Variants in ZNF277 observed in about 807,000 individuals in gnomAD.
ZNF277 encodes zinc finger protein 277, also known as nuclear receptor-interacting factor 4.
Under a neutral mutation model 60.7 loss-of-function variants are expected in ZNF277, and 55 were observed. The ratio of observed to expected loss-of-function variants is 0.91; its 90% CI spans 0.73 to 1.13. The LOEUF (loss-of-function observed/expected upper bound fraction) is 1.13, where lower values mean the gene tolerates loss of function less well. Ranked by LOEUF, ZNF277 falls within the 50% of genes most tolerant of loss-of-function variation. ZNF277 has a pLI of 0.00. For missense variants in ZNF277, 510 were observed against 523.0 expected, an observed-to-expected ratio of 0.98 and a Z score of 0.24; for synonymous variants, 178 against 179.3, an observed-to-expected ratio of 0.99 and a Z score of 0.06.
chr7:112,239,821 A>G (rs148991274), intron 1 of ZNF277, among the ~76,000 whole-genome samples: 196 of 152,354 alleles, frequency 1.3e-3, no homozygotes, highest in African/African-American at 4.4e-3. Flanking sequence ...TCATATTTTG[A>G]GTATTTTGAG....
intron 5 of ZNF277, among the ~76,000 whole-genome samples, chr7:112,326,379 A>C (rs1259213186): frequency 6.6e-6 from 1 of 151,564 alleles, no homozygotes; most frequent in African/African-American, 2.4e-5. Context: ...CCCACCCCAA[A>C]ACACACACAC....
At chr7:112,239,313 C>A (rs972494402) in intron 1 of ZNF277, among the ~76,000 whole-genome samples, 7 of 152,186 alleles carry the variant, frequency 4.6e-5, no homozygotes, top group Non-Finnish European at 8.8e-5. Flanking sequence ...CAGAAGAAAA[C>A]CCCCTCGCCC....
intron 4 of ZNF277, among the ~76,000 whole-genome samples, chr7:112,316,509 G>A (rs1354645978): frequency 6.6e-6 from 1 of 152,034 alleles, no homozygotes; most frequent in Non-Finnish European, 1.5e-5. Flanking sequence ...CCGTTCTGTA[G>A]GTTGCCTGTT....
At chr7:112,269,710 A>G (rs1475890094) in intron 1 of ZNF277, among the ~76,000 whole-genome samples, 1 of 152,102 alleles carries the variant, frequency 6.6e-6, no homozygotes, top group Non-Finnish European at 1.5e-5. Flanking sequence ...TCTAGCTGTA[A>G]GCCATGATAT....
At chr7:112,214,614 G>T (rs1821834710) in intron 1 of ZNF277, among the ~76,000 whole-genome samples, 1 of 152,150 alleles carries the variant, frequency 6.6e-6, no homozygotes, top group South Asian at 2.1e-4. Context: ...GGCAGCTGGG[G>T]TTGAATGATA....
intron 10 of ZNF277, 54 bp from the exon 11 acceptor site, chr7:112,340,818 G>C: frequency 6.6e-7 from 1 of 1,515,462 alleles, no homozygotes; most frequent in Admixed American, 2.1e-5. Flanking sequence ...TTATAATAGT[G>C]CAAAAAATGG....
intron 1 of ZNF277, among the ~76,000 whole-genome samples, chr7:112,212,348 T>C (rs1821773697): frequency 6.6e-6 from 1 of 152,178 alleles, no homozygotes; most frequent in Non-Finnish European, 1.5e-5. Context: ...GACATGGCAA[T>C]GGAAAGAGGA....
At chr7:112,293,021 T>A (rs115551295) in intron 2 of ZNF277, among the ~76,000 whole-genome samples, 4,243 of 152,280 alleles carry the variant, frequency 0.028, 202 homozygotes, top group African/African-American at 0.098. Context: ...GACAGCGTGC[T>A]TTACATGCAT....
chr7:112,327,830 A>T lies in ZNF277; in HGVS notation c.668+3A>T, dbSNP rs375942333. 1.3e-6 allele frequency: 2 copies of T among 1,591,362 alleles called. No individual in the cohort carries two copies. Among genetic ancestry groups the T allele is most frequent in the African/African-American group, 2.7e-5 (2 of 74,054 alleles). On this transcript the variant is annotated splice_donor_region_variant and intron_variant, in intron 6 of 11. Coordinates refer to ENST00000361822, the MANE Select transcript of ZNF277 (RefSeq NM_021994.3). ...ACATTACAGAAAAAGCTTGACAAGTAAGTACTGATTTATGAAACACTGCCT... is the reference window on the plus strand; with the variant it reads ...ACATTACAGAAAAAGCTTGACAAGTTAGTACTGATTTATGAAACACTGCCT...
chr7:112,217,503 A>G (rs1044136980), intron 1 of ZNF277, among the ~76,000 whole-genome samples: 3 of 152,214 alleles, frequency 2.0e-5, no homozygotes, highest in African/African-American at 7.2e-5. Context: ...ATAGCAGAAA[A>G]GTATTGTAGT....
chr7:112,330,896 A>G (rs1793213850), intron 7 of ZNF277, among the ~76,000 whole-genome samples: 1 of 152,116 alleles, frequency 6.6e-6, no homozygotes, highest in South Asian at 2.1e-4. Context: ...AGAGACTTCT[A>G]TATATTCTAT....
rs1793430097 is a variant in ZNF277 at position 112,340,864 on chromosome 7, A to ATCCC, written c.1010-7_1010-6insCCCT. The ATCCC allele has an allele frequency of 6.2e-7, 1 of 1,608,572 alleles. No homozygotes were observed. Among genetic ancestry groups the ATCCC allele is most frequent in the Non-Finnish European group, 8.5e-7 (1 of 1,178,112 alleles). ...TTGTCTAATGATTCTGTATTTTGTC[A>ATCCC]TTTTCAGGATTAAATTTCTATCAGC... On this transcript the variant is annotated splice_polypyrimidine_tract_variant and splice_region_variant and intron_variant, in intron 10 of 11. Coordinates refer to ENST00000361822, the MANE Select transcript of ZNF277 (RefSeq NM_021994.3).
intron 2 of ZNF277, among the ~76,000 whole-genome samples, chr7:112,293,614 G>A (rs1241879991): frequency 6.6e-6 from 1 of 150,976 alleles, no homozygotes; most frequent in African/African-American, 2.4e-5. Flanking sequence ...ATAATTCAAA[G>A]AGCAGTCTGT....
At chr7:112,304,910 A>C (rs1000196004) in intron 4 of ZNF277, among the ~76,000 whole-genome samples, 7 of 152,158 alleles carry the variant, frequency 4.6e-5, no homozygotes, top group African/African-American at 1.7e-4. Flanking sequence ...CAGACTTTTT[A>C]CCAAGATCTC....
chr7:112,303,529 G>C (rs1792526356), intron 4 of ZNF277, among the ~76,000 whole-genome samples: 1 of 151,980 alleles, frequency 6.6e-6, no homozygotes, highest in South Asian at 2.1e-4. Context: ...GTCATGCCAT[G>C]CTGATAGCTT....
At chr7:112,322,746 C>T (rs1793011989) in intron 5 of ZNF277, among the ~76,000 whole-genome samples, 1 of 152,070 alleles carries the variant, frequency 6.6e-6, no homozygotes. Context: ...TTTCTGCTTT[C>T]TTCCCCCATG....
intron 2 of ZNF277, among the ~76,000 whole-genome samples, chr7:112,290,149 T>G (rs974438334): frequency 6.6e-5 from 10 of 152,158 alleles, no homozygotes; most frequent in African/African-American, 1.7e-4. Flanking sequence ...TTTATTCCCT[T>G]TTATCATATA....
chr7:112,284,183 C>T (rs1441192404), intron 1 of ZNF277, among the ~76,000 whole-genome samples: 1 of 152,162 alleles, frequency 6.6e-6, no homozygotes, highest in East Asian at 1.9e-4. Context: ...TCCTAACACA[C>T]CTTGCAGGTA....
chr7:112,206,696 C>T lies in ZNF277; in HGVS notation c.-21C>T, dbSNP rs756054724. 2 of 1,611,634 alleles carry T rather than the reference C, an allele frequency of 1.2e-6. No homozygotes were observed. Among genetic ancestry groups the T allele is most frequent in the Non-Finnish European group, 1.7e-6 (2 of 1,179,108 alleles). The stretch of plus-strand genomic sequence containing the variant: ...GCCTCCGACCCGCCCTGCGGCCCTC[C>T]CTTTTCTTTTCTGCCGGGTAATGGC... On this transcript the variant is annotated 5_prime_UTR_variant, in exon 1 of 12. Transcript: ENST00000361822.
Sources: allele counts gnomAD v4.1 joint callset (sites outside exome capture counted in the v4.1 genomes callset), GRCh38; gene constraint gnomAD v4.1.1; transcripts MANE v1.5; gene names NCBI Gene and HGNC (gene_info 2026-07-23, HGNC 2026-07-21).